CNOT10: variants seen among roughly 807,000 people sequenced by gnomAD.
CNOT10 encodes the protein CCR4-NOT transcription complex, subunit 10.
CNOT10 carries 30 observed loss-of-function variants against 94.6 expected under a neutral mutation model. That is an observed-to-expected ratio of 0.32 (90% CI 0.24 to 0.43). The LOEUF (loss-of-function observed/expected upper bound fraction) is 0.43. CNOT10 is among the 20% of genes least tolerant of loss of function. The pLI is 1.00. For missense variants in CNOT10, 759 were observed against 877.2 expected (o/e 0.87, Z 1.70); for synonymous variants, 289 against 301.6 (o/e 0.96, Z 0.43).
In CNOT10 at chr3:32,754,426, A is replaced by G. The variant is rs1307044540; in HGVS notation, c.1596-5032A>G. 8.0e-5 allele frequency among the ~76,000 whole-genome samples: 11 copies of G among 136,774 alleles called. No homozygotes were observed. In the East Asian group the frequency reaches 1.2e-3, roughly 15 times the overall value. The allele number at this position is 136,774 out of a possible 152,430, so 89.7% of individuals were successfully genotyped here. On this transcript the variant is annotated intron_variant, in intron 13 of 18. Transcript: ENST00000328834. ...TGGGAGGCGGAGCTTGCAGTGAGCC[A>G]AGATCGTGCCACTGCACTCCAGCCT... is the stretch of plus-strand genomic sequence containing the variant.
At chr3:32,693,802 A>G (rs2125494404) in intron 1 of CNOT10, among the ~76,000 whole-genome samples, 1 of 152,262 alleles carries the variant, frequency 6.6e-6, no homozygotes, top group Non-Finnish European at 1.5e-5. Flanking sequence ...TTGACCTCCC[A>G]AAGTGCTGGG....
At chr3:32,697,531 C>CA (rs1697131988) in intron 1 of CNOT10, among the ~76,000 whole-genome samples, 2 of 152,126 alleles carry the variant, frequency 1.3e-5, no homozygotes, top group Admixed American at 1.3e-4. Context: ...AGTGCAGTGG[C>CA]ATGGTCACGG....
intron 10 of CNOT10, among the ~76,000 whole-genome samples, chr3:32,732,518 C>T (rs114957600): frequency 4.0e-4 from 60 of 150,262 alleles, no homozygotes; most frequent in African/African-American, 1.5e-3. Flanking sequence ...CCCAGGAGGC[C>T]GAAGTTGCAG....
At chr3:32,690,857 T>A (rs189325339) in intron 1 of CNOT10, among the ~76,000 whole-genome samples, 2 of 152,206 alleles carry the variant, frequency 1.3e-5, no homozygotes, top group African/African-American at 4.8e-5. Flanking sequence ...TTATTTGGTA[T>A]TTTTTCAACT....
chr3:32,721,210 C>T (rs1266149415), intron 8 of CNOT10, among the ~76,000 whole-genome samples: 30 of 150,548 alleles, frequency 2.0e-4, no homozygotes, highest in African/African-American at 6.6e-4. Flanking sequence ...ACTACAGGCA[C>T]GCACCACCAT....
intron 1 of CNOT10, among the ~76,000 whole-genome samples, chr3:32,697,269 G>A (rs1310863887): frequency 6.6e-6 from 1 of 151,882 alleles, no homozygotes; most frequent in Admixed American, 6.6e-5. Flanking sequence ...CATTTTCTGG[G>A]GTTGCTAACA....
intron 13 of CNOT10, chr3:32,753,378 A>C (rs2125616801): frequency 7.3e-7 from 1 of 1,377,940 alleles, no homozygotes; most frequent in East Asian, 2.3e-5. Context: ...CTTACGATCA[A>C]GAATGTTCAA....
At chr3:32,693,026 A>C (rs887012601) in intron 1 of CNOT10, among the ~76,000 whole-genome samples, 1 of 152,198 alleles carries the variant, frequency 6.6e-6, no homozygotes, top group Non-Finnish European at 1.5e-5. Flanking sequence ...CCTGGGCTAC[A>C]AAGTGAGACC....
At chr3:32,749,405 ATTTTT>A (rs61077906) in intron 13 of CNOT10, among the ~76,000 whole-genome samples, 1 of 96,306 alleles carries the variant, frequency 1.0e-5, no homozygotes. Context: ...TGTTGAGTTA[ATTTTT>A]TTTTTTTTTT....
At chr3:32,740,523 T>C in intron 13 of CNOT10, among the ~76,000 whole-genome samples, 1 of 152,142 alleles carries the variant, frequency 6.6e-6, no homozygotes, top group Admixed American at 6.6e-5. Flanking sequence ...ACAGAACTTT[T>C]TTTGTTTTAC....
At chr3:32,705,951 AT>A (rs1399689379) in intron 3 of CNOT10, among the ~76,000 whole-genome samples, 2 of 152,220 alleles carry the variant, frequency 1.3e-5, no homozygotes, top group Non-Finnish European at 2.9e-5. Flanking sequence ...CAAATTCTGT[AT>A]TAAGTGCCTT....
At chr3:32,724,876 A>G (rs565543908) in intron 8 of CNOT10, among the ~76,000 whole-genome samples, 7 of 152,052 alleles carry the variant, frequency 4.6e-5, no homozygotes, top group Admixed American at 1.3e-4. Flanking sequence ...GTTCTTTTCT[A>G]TATATTCTTG....
intron 13 of CNOT10, among the ~76,000 whole-genome samples, chr3:32,745,290 TG>T (rs1559506659): frequency 1.3e-5 from 2 of 151,642 alleles, no homozygotes; most frequent in African/African-American, 4.8e-5. Flanking sequence ...AAAAAATTAT[TG>T]TAGTTTTTTT....
intron 18 of CNOT10, among the ~76,000 whole-genome samples, chr3:32,772,240 C>T (rs1433387357): frequency 6.6e-6 from 1 of 152,194 alleles, no homozygotes; most frequent in Non-Finnish European, 1.5e-5. Context: ...GTTCCAGCTA[C>T]TCAGCAGGCT....
At chr3:32,768,166 G>A (rs1172771053) in intron 17 of CNOT10, among the ~76,000 whole-genome samples, 1 of 152,074 alleles carries the variant, frequency 6.6e-6, no homozygotes, top group Non-Finnish European at 1.5e-5. Flanking sequence ...ATGCCATTAA[G>A]TATCATAAAG....
intron 1 of CNOT10, among the ~76,000 whole-genome samples, chr3:32,687,454 T>TTTTTTTTTTTG (rs1553627011): frequency 5.7e-4 from 26 of 45,910 alleles, no homozygotes; most frequent in Non-Finnish European, 6.1e-4. Context: ...TTTTTTTTGT[T>TTTTTTTTTTTG]TTTTTTTTTT....
chr3:32,685,976 C>T (rs2125480683), intron 1 of CNOT10, among the ~76,000 whole-genome samples: 1 of 152,188 alleles, frequency 6.6e-6, no homozygotes, highest in Middle Eastern at 3.4e-3. Context: ...GGGGGTCTCG[C>T]TATGGTGCCC....
intron 14 of CNOT10, among the ~76,000 whole-genome samples, chr3:32,760,130 TCTC>T (rs1213034516): frequency 4.5e-3 from 6 of 1,328 alleles, no homozygotes; most frequent in South Asian, 0.17. Context: ...TGCAGTGAGA[TCTC>T]TGCACCACTG....
intron 13 of CNOT10, among the ~76,000 whole-genome samples, chr3:32,759,031 T>G: frequency 6.6e-6 from 1 of 152,232 alleles, no homozygotes; most frequent in East Asian, 1.9e-4. Context: ...ATATCACAAA[T>G]ATATGTAGAA....
Sources: allele counts gnomAD v4.1 joint callset (sites outside exome capture counted in the v4.1 genomes callset), GRCh38; gene constraint gnomAD v4.1.1; transcripts MANE v1.5; gene names NCBI Gene and HGNC (gene_info 2026-07-23, HGNC 2026-07-21).